The following PPEF1 variants were observed in gnomAD, a reference collection of about 807,000 sequenced individuals.
The protein encoded by PPEF1 is serine/threonine-protein phosphatase with EF-hands 1.
A neutral mutation model predicts 53.3 loss-of-function variants in PPEF1; 12 were observed. The observed-to-expected ratio is 0.23, with a 90% CI of 0.14 to 0.36. The LOEUF is 0.36. PPEF1 is among the 10% of genes least tolerant of loss of function. The pLI is 1.00. For missense variants in PPEF1, 334 were observed against 490.4 expected, an observed-to-expected ratio of 0.68 and a Z score of 3.01; for synonymous variants, 165 against 176.7, an observed-to-expected ratio of 0.93 and a Z score of 0.52.
intron 6 of PPEF1, among the ~76,000 whole-genome samples, chrX:18,774,386 G>T (rs1174411309): frequency 1.8e-5 from 2 of 112,384 alleles, no homozygotes; most frequent in East Asian, 5.6e-4. Context: ...ACGGCGCCCG[G>T]CCAGGGACTT....
intron 1 of PPEF1, among the ~76,000 whole-genome samples, chrX:18,710,992 GTGTGTGTATATATGTGTGTGTGTGTA>G (rs887458605): frequency 5.5e-5 from 6 of 109,305 alleles, no homozygotes; most frequent in African/African-American, 2.0e-4. Flanking sequence ...GTAAGTGTGT[GTGTGTGTATATATGTGTGTGTGTGTA>G]TGTGTGTGTA....
At chrX:18,703,368 T>C (rs184092739), upstream of PPEF1, among the ~76,000 whole-genome samples, 390 of 112,355 alleles carry the variant, frequency 3.5e-3, 5 homozygotes, top group Middle Eastern at 0.014. Flanking sequence ...TTCTAGAACA[T>C]CATGTCTTTC....
At chrX:18,702,179 C>G (rs983181132) in intron 6 of PPEF1, among the ~76,000 whole-genome samples, 8 of 111,443 alleles carry the variant, frequency 7.2e-5, no homozygotes, top group Non-Finnish European at 1.5e-4. Flanking sequence ...GGCTATAAAA[C>G]CTCTGTGGCA....
intron 12 of PPEF1, 127 bp from the exon 13 acceptor site, chrX:18,817,912 T>C (rs934278933): frequency 2.6e-5 from 12 of 463,805 alleles, no homozygotes; most frequent in Admixed American, 1.3e-4. Flanking sequence ...TACCATCTAG[T>C]AGCGATATGT....
chrX:18,807,014 T>A (rs939211628), intron 12 of PPEF1, among the ~76,000 whole-genome samples: 1 of 32,194 alleles, frequency 3.1e-5, no homozygotes, highest in Non-Finnish European at 1.2e-4. Flanking sequence ...GTTTTTTTTT[T>A]GTTTGTTTTT....
chrX:18,819,003 G>A (rs1041161915), intron 13 of PPEF1, among the ~76,000 whole-genome samples: 2 of 111,626 alleles, frequency 1.8e-5, no homozygotes, highest in African/African-American at 6.5e-5. Flanking sequence ...AGTGGCTAAA[G>A]TTGTCCTAAG....
intron 4 of PPEF1, among the ~76,000 whole-genome samples, chrX:18,693,264 T>G (rs780131742): frequency 1.8e-5 from 2 of 112,016 alleles, no homozygotes; most frequent in Non-Finnish European, 3.8e-5. Context: ...CCCTGACTGA[T>G]AAGTTGAAGT....
intron 12 of PPEF1, among the ~76,000 whole-genome samples, chrX:18,810,471 T>A (rs1030651066): frequency 5.4e-5 from 6 of 111,264 alleles, no homozygotes; most frequent in Admixed American, 4.8e-4. Context: ...TATCTAACTT[T>A]TGAACATTTT....
upstream of PPEF1, among the ~76,000 whole-genome samples, chrX:18,706,389 G>A (rs754571292): frequency 3.6e-5 from 4 of 110,015 alleles, no homozygotes; most frequent in South Asian, 1.6e-3. Flanking sequence ...TCATGAGAAG[G>A]ACTATAGAAC....
At chrX:18,823,273 G>A (rs1277036875) in intron 13 of PPEF1, among the ~76,000 whole-genome samples, 1 of 111,952 alleles carries the variant, frequency 8.9e-6, no homozygotes, top group Non-Finnish European at 1.9e-5. Flanking sequence ...TGAAATGACA[G>A]GTGAATAATA....
intron 1 of PPEF1, among the ~76,000 whole-genome samples, chrX:18,725,703 G>A (rs1183657394): frequency 8.9e-6 from 1 of 111,763 alleles, no homozygotes; most frequent in Non-Finnish European, 1.9e-5. Flanking sequence ...TTAATAAGTG[G>A]CATGTGTGCT....
chrX:18,813,665 G>T (rs1359177216), intron 12 of PPEF1, among the ~76,000 whole-genome samples: 1 of 111,303 alleles, frequency 9.0e-6, no homozygotes, highest in Non-Finnish European at 1.9e-5. Context: ...TTCACTCTTT[G>T]ATAATTAAGT....
chrX:18,751,336 C>T (rs755963437), intron 4 of PPEF1, among the ~76,000 whole-genome samples: 18 of 111,894 alleles, frequency 1.6e-4, no homozygotes, highest in African/African-American at 5.5e-4. Context: ...TTAGCCTTTA[C>T]ACTTATGTCT....
chrX:18,730,999 G>A (rs1037219497), intron 2 of PPEF1, among the ~76,000 whole-genome samples: 4 of 112,352 alleles, frequency 3.6e-5, no homozygotes, highest in Non-Finnish European at 7.5e-5. Flanking sequence ...ACAGGCGTGA[G>A]CCACCGCACC....
chrX:18,824,615 AT>A (rs914589647), intron 14 of PPEF1, among the ~76,000 whole-genome samples: 5 of 110,394 alleles, frequency 4.5e-5, no homozygotes, highest in African/African-American at 9.8e-5. Context: ...CAAATACTGG[AT>A]TTTTTTTTGT....
At chrX:18,736,525 G>T (rs2044984540) in intron 3 of PPEF1, among the ~76,000 whole-genome samples, 1 of 111,908 alleles carries the variant, frequency 8.9e-6, no homozygotes, top group Non-Finnish European at 1.9e-5. Flanking sequence ...GCTGGATTCG[G>T]TTTGCCAGTA....
chrX:18,706,002 TCACACCTGTGATCC>T (rs199645621), upstream of PPEF1, among the ~76,000 whole-genome samples: 2,284 of 109,987 alleles, frequency 0.021, 52 homozygotes, highest in South Asian at 0.16. Flanking sequence ...GCAAGATGGC[TCACACCTGTGATCC>T]CAGCACTTTG....
intron 4 of PPEF1, among the ~76,000 whole-genome samples, chrX:18,753,333 G>T (rs910574457): frequency 1.8e-5 from 2 of 111,580 alleles, no homozygotes; most frequent in Admixed American, 1.9e-4. Flanking sequence ...CTTTAAGGTT[G>T]ATGGTAATGT....
chrX:18,730,553 A>G (rs953742466), intron 2 of PPEF1, among the ~76,000 whole-genome samples: 4 of 111,598 alleles, frequency 3.6e-5, no homozygotes, highest in African/African-American at 1.3e-4. Flanking sequence ...GTTAACTAAT[A>G]AAAATAGTCT....
Sources: allele counts gnomAD v4.1 joint callset (sites outside exome capture counted in the v4.1 genomes callset), GRCh38; gene constraint gnomAD v4.1.1; transcripts MANE v1.5; gene names NCBI Gene and HGNC (gene_info 2026-07-23, HGNC 2026-07-21).